CNTN3: variants seen among roughly 807,000 people sequenced by gnomAD.
The protein encoded by CNTN3 is contactin-3.
A neutral mutation model predicts 119.1 loss-of-function variants in CNTN3; 60 were observed. The ratio of observed to expected loss-of-function variants is 0.50; its 90% CI spans 0.41 to 0.62. The LOEUF (loss-of-function observed/expected upper bound fraction) is 0.62. Among genes scored for constraint, CNTN3 ranks in the 20% least tolerant of loss-of-function variants. The pLI is 0.00. For missense variants in CNTN3, 1,101 were observed against 1,242.4 expected (o/e 0.89, Z 1.71); for synonymous variants, 450 against 438.7 (o/e 1.03, Z -0.32).
chr3:74,470,121 C>T (rs1322549709), intron 4 of CNTN3, among the ~76,000 whole-genome samples: 4 of 151,986 alleles, frequency 2.6e-5, no homozygotes, highest in Admixed American at 2.0e-4. Flanking sequence ...ATAAAATGTC[C>T]AGAATAGGCA....
chr3:74,298,898 A>G (rs1575706828), intron 17 of CNTN3, among the ~76,000 whole-genome samples: 1 of 151,710 alleles, frequency 6.6e-6, no homozygotes, highest in East Asian at 1.9e-4. Flanking sequence ...GGAAAAAAAA[A>G]AAAAAAAAGG....
intron 1 of CNTN3, among the ~76,000 whole-genome samples, chr3:74,605,295 T>A (rs1292483785): frequency 6.6e-6 from 1 of 152,100 alleles, no homozygotes; most frequent in African/African-American, 2.4e-5. Context: ...TTAAGCTTTT[T>A]CACCATACAA....
intron 12 of CNTN3, among the ~76,000 whole-genome samples, chr3:74,336,329 T>C (rs554690358): frequency 3.9e-5 from 6 of 152,152 alleles, no homozygotes; most frequent in Non-Finnish European, 8.8e-5. Flanking sequence ...GCACAGTAAC[T>C]AATGTGCTCC....
At chr3:74,365,842 G>T in intron 8 of CNTN3, 140 bp from the exon 9 acceptor site, 1 of 964,662 alleles carries the variant, frequency 1.0e-6, no homozygotes. Flanking sequence ...ACAGAGGCTA[G>T]AATTATATTT....
intron 4 of CNTN3, among the ~76,000 whole-genome samples, chr3:74,454,291 T>C (rs1702219731): frequency 7.3e-6 from 1 of 136,708 alleles, no homozygotes; most frequent in African/African-American, 2.7e-5. Context: ...CTTTTGATCT[T>C]TGTTGGTTTA....
At chr3:74,588,642 C>T (rs1409495774) in intron 1 of CNTN3, among the ~76,000 whole-genome samples, 2 of 152,134 alleles carry the variant, frequency 1.3e-5, no homozygotes, top group Non-Finnish European at 2.9e-5. Flanking sequence ...GAGCCCGCAT[C>T]ACCAAGTCAT....
rs1481323466 is a variant in CNTN3, at chr3:74,384,924, T to C, written c.455-13525A>G. On this transcript the variant is annotated intron_variant, in intron 5 of 22. Coordinates refer to ENST00000263665, the MANE Select transcript of CNTN3 (RefSeq NM_020872.3). ...TTTATAAGTATGTTTATTTCTTTCA[T>C]CCCTTTATTTCATTAATTCAATTAG... Among the ~76,000 whole-genome samples, 7 of 152,180 alleles carry C rather than the reference T, an allele frequency of 4.6e-5. No individual in the cohort carries two copies. The East Asian group carries it at 1.3e-3, about 29-fold the overall frequency.
At chr3:74,608,908 T>C (rs1013197476) in intron 1 of CNTN3, among the ~76,000 whole-genome samples, 1 of 152,166 alleles carries the variant, frequency 6.6e-6, no homozygotes, top group Admixed American at 6.5e-5. Context: ...GTAGATAGCA[T>C]AGAGGTCAAA....
chr3:74,597,516 T>C (rs1323235200), intron 1 of CNTN3, among the ~76,000 whole-genome samples: 2 of 152,066 alleles, frequency 1.3e-5, no homozygotes, highest in African/African-American at 4.8e-5. Context: ...TAATTATTCA[T>C]GATATTGATC....
intron 4 of CNTN3, among the ~76,000 whole-genome samples, chr3:74,482,401 C>A (rs1702778328): frequency 6.6e-6 from 1 of 151,824 alleles, no homozygotes; most frequent in South Asian, 2.1e-4. Context: ...AATAATAAAT[C>A]ATTCATTATA....
intron 1 of CNTN3, among the ~76,000 whole-genome samples, chr3:74,547,893 G>C (rs751289507): frequency 6.6e-6 from 1 of 152,062 alleles, no homozygotes; most frequent in Non-Finnish European, 1.5e-5. Flanking sequence ...TAAACATGTA[G>C]CCTCCTAAAC....
rs1205608408 is a variant in CNTN3 at position 74,334,915 on chromosome 3, T to A, written c.1493-5A>T. 1.9e-6 allele frequency: 3 copies of A among 1,600,100 alleles called. No individual in the cohort carries two copies. The highest frequency in any genetic ancestry group is 2.6e-6 in the Non-Finnish European group (3 of 1,174,406). On this transcript the variant is annotated splice_region_variant and splice_polypyrimidine_tract_variant and intron_variant, in intron 12 of 22. Transcript: ENST00000263665. ...CCAAAGTTATTCTTGTTGGTTCTAT[T>A]GGGGAAATAATTTTTCAGAAAAACA...
At chr3:74,590,389 C>G (rs975857145) in intron 1 of CNTN3, among the ~76,000 whole-genome samples, 32 of 152,122 alleles carry the variant, frequency 2.1e-4, no homozygotes, top group African/African-American at 7.7e-4. Context: ...CACTTTTAAG[C>G]AGACAATGGA....
intron 4 of CNTN3, among the ~76,000 whole-genome samples, chr3:74,454,213 T>A (rs1231190706): frequency 1.5e-5 from 2 of 131,500 alleles, no homozygotes; most frequent in Non-Finnish European, 3.2e-5. Flanking sequence ...GGTGCATATA[T>A]ATTTAGGATA....
rs1575712318 is a variant in CNTN3, at chr3:74,425,027, AC to A, written c.359-88del. On this transcript the variant is annotated intron_variant, in intron 4 of 22. Coordinates refer to ENST00000263665, the MANE Select transcript of CNTN3 (RefSeq NM_020872.3). ...CCAAGACCTTCCTTTCTTTTAGAAA[AC>A]AATTTTAGTTTTTGCTTTTTTCTTT... 1.8e-5 allele frequency: 15 copies of A among 850,294 alleles called. No homozygotes were observed. The East Asian group carries it at 4.2e-4, about 24-fold the overall frequency. The allele number at this position is 850,294 out of a possible 1,614,324, so 52.7% of individuals were successfully genotyped here.
intron 1 of CNTN3, among the ~76,000 whole-genome samples, chr3:74,546,835 T>C (rs957634966): frequency 6.6e-6 from 1 of 152,234 alleles, no homozygotes; most frequent in Admixed American, 6.5e-5. Flanking sequence ...ACATCTATCC[T>C]ATGAGTTGTG....
chr3:74,361,943 TG>T lies in CNTN3; in HGVS notation c.1310del (p.Pro437GlnfsTer12). 6.2e-7 allele frequency: 1 copy of T among 1,613,778 alleles called. No homozygotes were observed. Among genetic ancestry groups the T allele is most frequent in the East Asian group, 2.2e-5 (1 of 44,862 alleles). ...VSLDCKPRAS[P>X]RALSSWKKGD... ...CCTTCTTCCAGGAAGAGAGTGCCCT[TG>T]GGGAGGCTCTGGGTTTACAATCCAA... On this transcript the variant is annotated frameshift_variant, in exon 11 of 23. Coordinates refer to ENST00000263665, the MANE Select transcript of CNTN3 (RefSeq NM_020872.3). LOFTEE classifies it high-confidence loss of function.
chr3:74,479,957 G>T (rs530708964), intron 4 of CNTN3, among the ~76,000 whole-genome samples: 1 of 151,980 alleles, frequency 6.6e-6, no homozygotes, highest in Admixed American at 6.6e-5. Flanking sequence ...AATGTAATAA[G>T]ACTACTATTA....
intron 17 of CNTN3, 70 bp from the exon 18 acceptor site, chr3:74,298,261 C>A: frequency 1.1e-6 from 1 of 901,512 alleles, no homozygotes; most frequent in Non-Finnish European, 1.7e-6. Context: ...CAGCTGTAAT[C>A]CACAGGCATT....
Sources: allele counts gnomAD v4.1 joint callset (sites outside exome capture counted in the v4.1 genomes callset), GRCh38; gene constraint gnomAD v4.1.1; transcripts MANE v1.5; gene names NCBI Gene and HGNC (gene_info 2026-07-23, HGNC 2026-07-21).